The following DDX10 variants were observed in gnomAD, a reference collection of about 807,000 sequenced individuals.
The protein encoded by DDX10 is probable ATP-dependent RNA helicase DDX10.
A neutral mutation model predicts 104.3 loss-of-function variants in DDX10; 74 were observed. The ratio of observed to expected loss-of-function variants is 0.71; its 90% CI spans 0.59 to 0.86. The LOEUF is 0.86. Ranked by LOEUF, DDX10 falls within the 40% of genes least tolerant of loss-of-function variation. The pLI, the probability that DDX10 is intolerant of heterozygous loss-of-function variation, is 0.00. For missense variants in DDX10, 952 were observed against 1,040.0 expected, an observed-to-expected ratio of 0.92 and a Z score of 1.16; for synonymous variants, 351 against 353.4, an observed-to-expected ratio of 0.99 and a Z score of 0.08.
At chr11:108,894,930 C>T (rs1246011264) in intron 16 of DDX10, among the ~76,000 whole-genome samples, 1 of 151,852 alleles carries the variant, frequency 6.6e-6, no homozygotes, top group Non-Finnish European at 1.5e-5. Context: ...AAATTTCTCA[C>T]ATAACCTAGG....
At chr11:108,787,360 C>G (rs1430105915) in intron 13 of DDX10, among the ~76,000 whole-genome samples, 1 of 151,980 alleles carries the variant, frequency 6.6e-6, no homozygotes, top group Non-Finnish European at 1.5e-5. Context: ...CGTGGGTTCT[C>G]TGTTTTTTCT....
intron 15 of DDX10, among the ~76,000 whole-genome samples, chr11:108,851,793 A>G (rs1469979372): frequency 6.6e-6 from 1 of 151,976 alleles, no homozygotes; most frequent in African/African-American, 2.4e-5. Flanking sequence ...TCTCCTTTCC[A>G]TTTCCTTCCA....
intron 13 of DDX10, among the ~76,000 whole-genome samples, chr11:108,744,026 C>G (rs911299367): frequency 1.3e-5 from 2 of 152,160 alleles, no homozygotes; most frequent in Admixed American, 1.3e-4. Context: ...GTGTTCACAT[C>G]TGTGCTGGGT....
chr11:108,928,482 A>T (rs73560852), intron 17 of DDX10, among the ~76,000 whole-genome samples: 1 of 152,292 alleles, frequency 6.6e-6, no homozygotes, highest in African/African-American at 2.4e-5. Context: ...ATTGATCTAC[A>T]CGCTGTATTA....
chr11:108,691,853 T>G, intron 7 of DDX10, 23 bp from the exon 8 acceptor site: 1 of 1,603,674 alleles, frequency 6.2e-7, no homozygotes. Context: ...ATAAGCAAAC[T>G]TATTCTTCTG....
chr11:108,865,262 CTG>C (rs1862994947), intron 16 of DDX10, among the ~76,000 whole-genome samples: 1 of 152,152 alleles, frequency 6.6e-6, no homozygotes, highest in Non-Finnish European at 1.5e-5. Flanking sequence ...CAGTAGATCA[CTG>C]TGTGGCCTTG....
intron 6 of DDX10, among the ~76,000 whole-genome samples, chr11:108,688,076 A>G (rs901303728): frequency 1.3e-5 from 2 of 152,204 alleles, no homozygotes; most frequent in Non-Finnish European, 2.9e-5. Context: ...GTTGCATAAT[A>G]ATTAATGTAT....
chr11:108,747,049 C>T (rs1443488163), intron 13 of DDX10, among the ~76,000 whole-genome samples: 2 of 152,012 alleles, frequency 1.3e-5, no homozygotes, highest in African/African-American at 4.8e-5. Flanking sequence ...GTGTATGTCA[C>T]ATTGTAAGAA....
chr11:108,716,199 G>T (rs541061636), intron 11 of DDX10, among the ~76,000 whole-genome samples: 2 of 152,174 alleles, frequency 1.3e-5, no homozygotes, highest in African/African-American at 4.8e-5. Flanking sequence ...AGGCTCAAGT[G>T]ATTCTTGTGC....
At chr11:108,885,177 A>G (rs541636248) in intron 16 of DDX10, among the ~76,000 whole-genome samples, 3 of 152,064 alleles carry the variant, frequency 2.0e-5, no homozygotes, top group African/African-American at 4.8e-5. Context: ...TAAGCTTCCA[A>G]ATGGCCTTCA....
chr11:108,675,569 G>C (rs1275876784), intron 2 of DDX10, 27 bp from the exon 3 acceptor site: 2 of 1,610,392 alleles, frequency 1.2e-6, no homozygotes, highest in Admixed American at 3.4e-5. Context: ...ATCTTCTAAA[G>C]TATAATTCTT....
intron 16 of DDX10, among the ~76,000 whole-genome samples, chr11:108,916,097 G>A (rs1863747202): frequency 6.6e-6 from 1 of 151,592 alleles, no homozygotes; most frequent in African/African-American, 2.4e-5. Flanking sequence ...TCTTCCCCAT[G>A]TTAACAAAAG....
chr11:108,917,830 A>G, intron 16 of DDX10, 43 bp from the exon 17 acceptor site: 2 of 1,599,214 alleles, frequency 1.3e-6, no homozygotes, highest in Middle Eastern at 2.3e-4. Flanking sequence ...TTATTTATCA[A>G]CTGACTTCTT....
In DDX10 at chr11:108,731,816, T is replaced by G. The variant is rs113632026; in HGVS notation, c.1965+8354T>G. ...TACCTATTTTTAAGGATAGACGAGATATAGAAAAATCAAATCATACATAAA... is the reference window on the plus strand; with the variant it reads ...TACCTATTTTTAAGGATAGACGAGAGATAGAAAAATCAAATCATACATAAA... On this transcript the variant is annotated intron_variant, in intron 13 of 17. Transcript: ENST00000322536. Among the ~76,000 whole-genome samples the G allele has an allele frequency of 6.4e-3, 978 of 152,270 alleles. 5 individuals carry two copies. The highest frequency in any genetic ancestry group is 0.022 in the African/African-American group (903 of 41,554).
chr11:108,734,199 G>A (rs978484189), intron 13 of DDX10, among the ~76,000 whole-genome samples: 1 of 152,032 alleles, frequency 6.6e-6, no homozygotes, highest in African/African-American at 2.4e-5. Context: ...CTTATGTAAT[G>A]TTCAGTTGAC....
chr11:108,919,416 A>T (rs1057178943), intron 17 of DDX10: 2 of 152,212 alleles, frequency 1.3e-5, no homozygotes, highest in East Asian at 3.9e-4. Context: ...GTAAATATAC[A>T]TGCTCTGAGT....
intron 13 of DDX10, among the ~76,000 whole-genome samples, chr11:108,747,950 GA>G (rs998332655): frequency 5.3e-5 from 8 of 150,584 alleles, no homozygotes; most frequent in East Asian, 1.9e-4. Context: ...CAGTAGGAGT[GA>G]AAAAAAAATT....
intron 13 of DDX10, among the ~76,000 whole-genome samples, chr11:108,793,149 C>T (rs1861893697): frequency 1.3e-5 from 2 of 152,126 alleles, no homozygotes; most frequent in Non-Finnish European, 2.9e-5. Flanking sequence ...CCTCTAATTA[C>T]TCTCTCTGTT....
At chr11:108,886,447 C>T (rs1863297088) in intron 16 of DDX10, among the ~76,000 whole-genome samples, 1 of 152,156 alleles carries the variant, frequency 6.6e-6, no homozygotes, top group Non-Finnish European at 1.5e-5. Context: ...AGGTCATTGT[C>T]AGTGGCCTGT....
Sources: allele counts gnomAD v4.1 joint callset (sites outside exome capture counted in the v4.1 genomes callset), GRCh38; gene constraint gnomAD v4.1.1; transcripts MANE v1.5; gene names NCBI Gene and HGNC (gene_info 2026-07-23, HGNC 2026-07-21).